The following ABCB5 variants were observed in gnomAD, a reference collection of about 807,000 sequenced individuals.
The protein encoded by ABCB5 is ATP-binding cassette sub-family B member 5.
In ABCB5, 155 loss-of-function variants were observed where a neutral mutation model predicts 144.2. The ratio of observed to expected loss-of-function variants is 1.08; its 90% CI spans 0.94 to 1.23. ABCB5 has a LOEUF of 1.23. ABCB5 is among the 50% of genes most tolerant of loss of function. ABCB5 has a pLI of 0.00. For synonymous variants in ABCB5, 610 were observed against 528.6 expected (o/e 1.15, Z -2.11); for missense variants, 1,830 against 1,520.8 (o/e 1.20, Z -3.38).
intron 14 of ABCB5, among the ~76,000 whole-genome samples, chr7:20,678,778 G>C (rs1785692094): frequency 6.6e-6 from 1 of 152,192 alleles, no homozygotes; most frequent in African/African-American, 2.4e-5. Flanking sequence ...TGCAGTGACA[G>C]ACAAGCTGAC....
At chr7:20,665,097 T>C (rs1490109403) in intron 14 of ABCB5, among the ~76,000 whole-genome samples, 1 of 152,232 alleles carries the variant, frequency 6.6e-6, no homozygotes, top group African/African-American at 2.4e-5. Flanking sequence ...ATTATGTTAT[T>C]ATTTCACGTT....
At position 20,681,518 on chromosome 7, in the gene ABCB5, G is replaced by A. The variant is rs147800155; in HGVS notation, c.1721G>A (p.Arg574Gln). ...QAALEKASKG[R>Q]TTIVVAHRLS... The stretch of plus-strand genomic sequence containing the variant: ...TTTATTCTGTAGGCGAGCAAAGGTC[G>A]GACTACAATCGTGGTAGCACACCGA... The change falls in exon 15 of 28, where the codon CGG becomes CAG. Residue 574 changes from arginine (R) to glutamine (Q), a missense_variant. Physicochemically the swap from Arg to Gln is conservative, Grantham distance 43 (BLOSUM62 1). Transcript: ENST00000404938. The A allele has an allele frequency of 1.2e-4, 198 of 1,614,034 alleles. No homozygotes were observed. In the Middle Eastern group the frequency reaches 3.1e-3, roughly 26 times the overall value.
chr7:20,705,086 C>G (rs1786775902), intron 20 of ABCB5, among the ~76,000 whole-genome samples: 1 of 152,070 alleles, frequency 6.6e-6, no homozygotes, highest in Non-Finnish European at 1.5e-5. Flanking sequence ...AAAAAGAGCT[C>G]AGAATTAAAT....
chr7:20,682,140 G>A (rs1785852006), intron 15 of ABCB5, among the ~76,000 whole-genome samples: 1 of 152,076 alleles, frequency 6.6e-6, no homozygotes, highest in African/African-American at 2.4e-5. Context: ...GGGAGTCGGA[G>A]GTTGCAGTGA....
intron 5 of ABCB5, among the ~76,000 whole-genome samples, chr7:20,637,038 T>C (rs1784174229): frequency 6.6e-6 from 1 of 152,176 alleles, no homozygotes; most frequent in Non-Finnish European, 1.5e-5. Flanking sequence ...ATCCAAGTTT[T>C]CCAAACCTAC....
intron 14 of ABCB5, chr7:20,667,180 T>A (rs1452511103): frequency 1.1e-6 from 1 of 888,066 alleles, no homozygotes. Flanking sequence ...CAGATACAAA[T>A]TCATGCTATA....
intron 23 of ABCB5, among the ~76,000 whole-genome samples, chr7:20,733,417 C>T (rs1214410227): frequency 2.0e-5 from 3 of 152,002 alleles, no homozygotes; most frequent in Non-Finnish European, 4.4e-5. Context: ...AGCTGGCCTA[C>T]CATACTTCCT....
intron 16 of ABCB5, among the ~76,000 whole-genome samples, chr7:20,688,057 A>G (rs1230085623): frequency 2.0e-5 from 3 of 151,828 alleles, no homozygotes; most frequent in African/African-American, 7.3e-5. Flanking sequence ...GCTGGGCGTG[A>G]TGGCACATGC....
chr7:20,698,370 C>A, intron 16 of ABCB5, 37 bp from the exon 17 acceptor site: 1 of 1,530,924 alleles, frequency 6.5e-7, no homozygotes, highest in Non-Finnish European at 8.8e-7. Context: ...GTTATGCACA[C>A]AAACTGGCAT....
Position 20,625,384 on chromosome 7 carries a change from A to ATGTGTGTGTGTGTG in ABCB5, c.54-1171_54-1158dup, listed in dbSNP as rs113535118. On this transcript the variant is annotated intron_variant, in intron 2 of 27. Transcript: ENST00000404938. ...TAATGTTTCAGAATTTTGCGCGTGC[A>ATGTGTGTGTGTGTG]TGTGTGTGTGTGTGTAACTGACAGA... Among the ~76,000 whole-genome samples the ATGTGTGTGTGTGTG allele has an allele frequency of 3.0e-3, 447 of 151,516 alleles. 10 individuals are homozygous for ATGTGTGTGTGTGTG. The highest frequency in any genetic ancestry group is 0.027 in the Admixed American group (410 of 15,232).
intron 5 of ABCB5, among the ~76,000 whole-genome samples, chr7:20,633,868 T>C (rs1784092782): frequency 6.6e-6 from 1 of 152,160 alleles, no homozygotes; most frequent in African/African-American, 2.4e-5. Context: ...CATTTGTGGC[T>C]ATATAATTTT....
In ABCB5 at chr7:20,631,607, T is replaced by C. The variant is rs4721925; in HGVS notation, c.260-452T>C. Among the ~76,000 whole-genome samples, 231 of 152,292 alleles carry C rather than the reference T, an allele frequency of 1.5e-3. 2 individuals carry two copies. Among genetic ancestry groups the C allele is most frequent in the Non-Finnish European group, 2.5e-3 (171 of 67,992 alleles). On this transcript the variant is annotated intron_variant, in intron 4 of 27. Transcript: ENST00000404938. ...TAAACATTGTTATTTATACTCAACA[T>C]GTTTCACTGAGCTTTCCATTTTTCC...
intron 5 of ABCB5, among the ~76,000 whole-genome samples, chr7:20,632,495 G>T (rs955771144): frequency 1.3e-5 from 2 of 152,004 alleles, no homozygotes; most frequent in Admixed American, 6.6e-5. Flanking sequence ...ATTTGACCCA[G>T]CCATCCCATT....
chr7:20,700,181 G>A (rs1173987921), intron 19 of ABCB5, 46 bp downstream of exon 19: 1 of 1,443,330 alleles, frequency 6.9e-7, no homozygotes, highest in Admixed American at 2.0e-5. Flanking sequence ...AAAATTTATT[G>A]TAAAACATTC....
At chr7:20,637,508 CCTCCCGGGTTCAAGAGATT>C (rs1341939220) in intron 5 of ABCB5, among the ~76,000 whole-genome samples, 2 of 151,558 alleles carry the variant, frequency 1.3e-5, no homozygotes, top group Non-Finnish European at 2.9e-5. Flanking sequence ...GCAACCTCTG[CCTCCCGGGTTCAAGAGATT>C]CTCCTGCCAC....
chr7:20,619,095 G>A (rs1783753960), intron 1 of ABCB5, among the ~76,000 whole-genome samples: 1 of 152,028 alleles, frequency 6.6e-6, no homozygotes, highest in Admixed American at 6.6e-5. Context: ...TTTTCTTTAT[G>A]CAATTCACCA....
intron 7 of ABCB5, among the ~76,000 whole-genome samples, chr7:20,644,173 C>T (rs1184071691): frequency 6.6e-6 from 1 of 151,880 alleles, no homozygotes; most frequent in Admixed American, 6.6e-5. Context: ...GCAGCCTCAA[C>T]TTCCCAGGCT....
chr7:20,647,200 G>A, intron 9 of ABCB5: 14 of 833,870 alleles, frequency 1.7e-5, no homozygotes, highest in Non-Finnish European at 2.0e-5. Flanking sequence ...TCACCATGGG[G>A]TTTATACATG....
At chr7:20,647,690 C>T (rs770405875) in intron 10 of ABCB5, 42 bp downstream of exon 10, 113 of 1,534,078 alleles carry the variant, frequency 7.4e-5, no homozygotes, top group Non-Finnish European at 9.6e-5. Context: ...ATCATTACTG[C>T]AAGAAGGAGA....
Sources: gnomAD v4.1 joint callset for allele counts (sites outside exome capture counted in the v4.1 genomes callset) on GRCh38, gnomAD v4.1.1 for gene constraint, MANE v1.5 for transcripts, NCBI Gene and HGNC (gene_info 2026-07-23, HGNC 2026-07-21) for gene names.